The following MAPK14 variants were observed in gnomAD, a reference collection of about 807,000 sequenced individuals.
The protein encoded by MAPK14 is CSAID-binding protein.
MAPK14 carries 16 observed loss-of-function variants against 49.6 expected under a neutral mutation model. The ratio of observed to expected loss-of-function variants is 0.32; its 90% CI spans 0.22 to 0.49. The LOEUF (loss-of-function observed/expected upper bound fraction) is 0.49. MAPK14 is among the 20% of genes least tolerant of loss of function. MAPK14 has a pLI of 0.99. For missense variants in MAPK14, 200 were observed against 441.2 expected (o/e 0.45, Z 4.90); for synonymous variants, 142 against 158.0 (o/e 0.90, Z 0.76).
chr6:36,061,877 T>C (rs900535566), intron 3 of MAPK14, among the ~76,000 whole-genome samples: 9 of 152,236 alleles, frequency 5.9e-5, no homozygotes, highest in Non-Finnish European at 1.2e-4. Flanking sequence ...GAAAATAGAA[T>C]GAACTTGTTT....
chr6:36,103,009 G>A (rs1358946240), intron 10 of MAPK14, among the ~76,000 whole-genome samples: 1 of 152,176 alleles, frequency 6.6e-6, no homozygotes, highest in African/African-American at 2.4e-5. Context: ...TCTCTGAGTG[G>A]AGGACAGAAA....
chr6:36,038,330 A>G (rs1472408258), intron 1 of MAPK14, among the ~76,000 whole-genome samples: 1 of 152,194 alleles, frequency 6.6e-6, no homozygotes, highest in African/African-American at 2.4e-5. Context: ...GGAAATAGCT[A>G]AGAGACCAGT....
At chr6:36,076,459 C>T in intron 7 of MAPK14, 78 bp from the exon 8 acceptor site, 2 of 990,562 alleles carry the variant, frequency 2.0e-6, no homozygotes, top group South Asian at 2.6e-5. Flanking sequence ...TATTTCACCC[C>T]TAGTTACGGT....
chr6:36,092,792 G>A (rs772332100), intron 8 of MAPK14: 4 of 241,412 alleles, frequency 1.7e-5, no homozygotes, highest in East Asian at 1.2e-4. Flanking sequence ...GGCACCTCCC[G>A]AGGTGATGAA....
the MAPK14 span, among the ~76,000 whole-genome samples, chr6:36,119,882 C>T: frequency 6.6e-6 from 1 of 152,172 alleles, no homozygotes; most frequent in Admixed American, 6.5e-5. Flanking sequence ...AAAAAGGAGG[C>T]TGCAAAACGA....
At position 36,108,575 on chromosome 6, in the gene MAPK14, TGC is replaced by T; in HGVS notation, c.*130_*131del. Reference sequence around the variant, plus strand: ...CCTCCATGGTGGAAGGGGGTGTGCGTGCGTGTGCGTGCGTGTTAGTGTGTGTG... The same window carrying T: ...CCTCCATGGTGGAAGGGGGTGTGCGTGTGTGCGTGCGTGTTAGTGTGTGTG... On this transcript the variant is annotated 3_prime_UTR_variant, in exon 12 of 12. Transcript: ENST00000229794. The T allele has an allele frequency of 1.9e-6, 1 of 516,384 alleles. No homozygotes were observed. The highest frequency in any genetic ancestry group is 3.7e-6 in the Non-Finnish European group (1 of 271,528). 32.0% of individuals were successfully genotyped at this position (516,384 alleles called of 1,614,324 possible).
intron 1 of MAPK14, among the ~76,000 whole-genome samples, chr6:36,047,408 G>A (rs1763221903): frequency 6.6e-6 from 1 of 152,214 alleles, no homozygotes; most frequent in African/African-American, 2.4e-5. Flanking sequence ...GAGGGAAAGA[G>A]TAGCACAGGA....
chr6:36,038,620 T>G (rs184598932), intron 1 of MAPK14, among the ~76,000 whole-genome samples: 78 of 152,226 alleles, frequency 5.1e-4, no homozygotes, highest in African/African-American at 1.6e-3. Flanking sequence ...GATAGAACGG[T>G]GGAGTTAGAT....
intron 8 of MAPK14, among the ~76,000 whole-genome samples, chr6:36,088,933 A>G (rs1215792654): frequency 6.6e-6 from 1 of 152,238 alleles, no homozygotes; most frequent in East Asian, 1.9e-4. Flanking sequence ...CTATGGAGAA[A>G]TATGAACACT....
chr6:36,075,381 T>C (rs1222668345), intron 6 of MAPK14, among the ~76,000 whole-genome samples: 2 of 152,166 alleles, frequency 1.3e-5, no homozygotes, highest in Admixed American at 6.5e-5. Flanking sequence ...TGGAATCATA[T>C]AGTGTGTATT....
At chr6:36,031,763 T>C (rs915550764) in intron 1 of MAPK14, among the ~76,000 whole-genome samples, 18 of 152,108 alleles carry the variant, frequency 1.2e-4, no homozygotes, top group African/African-American at 4.3e-4. Context: ...TTCATTTGAA[T>C]CCAAATAATT....
chr6:36,076,405 G>C, intron 7 of MAPK14, 132 bp from the exon 8 acceptor site: 3 of 684,924 alleles, frequency 4.4e-6, no homozygotes, highest in Non-Finnish European at 7.7e-6. Flanking sequence ...CTGTAAAAAT[G>C]AGTATGATTG....
intron 3 of MAPK14, among the ~76,000 whole-genome samples, chr6:36,068,257 T>C (rs1376242701): frequency 6.6e-6 from 1 of 152,094 alleles, no homozygotes; most frequent in Non-Finnish European, 1.5e-5. Flanking sequence ...GAGGCCAGTG[T>C]GGAGCTGAGT....
At chr6:36,096,131 T>C in intron 9 of MAPK14, 65 bp downstream of exon 9, 1 of 1,139,904 alleles carries the variant, frequency 8.8e-7, no homozygotes, top group Admixed American at 1.8e-5. Context: ...TCTACCAATC[T>C]GTACTTTGAC....
intron 10 of MAPK14, 66 bp downstream of exon 10, chr6:36,102,715 A>C: frequency 7.5e-6 from 12 of 1,602,776 alleles, no homozygotes; most frequent in Non-Finnish European, 1.0e-5. Context: ...TGGGGATTTG[A>C]AGAAGAGTTT....
rs545835980 is a variant in MAPK14 at position 36,089,663 on chromosome 6, C to A, written c.683-6324C>A. On this transcript the variant is annotated intron_variant, in intron 8 of 11. Coordinates refer to ENST00000229794, the MANE Select transcript of MAPK14 (RefSeq NM_139012.3). ...ACCCTTCCATCTGGCCTAATGATAG[C>A]ATTATTATTTTTTAAAGAATGAAGC... Among the ~76,000 whole-genome samples the A allele has an allele frequency of 5.9e-5, 9 of 152,218 alleles. No homozygotes were observed. In the South Asian group the frequency reaches 1.2e-3, roughly 21 times the overall value.
intron 2 of MAPK14, among the ~76,000 whole-genome samples, chr6:36,058,995 T>C (rs1763694432): frequency 2.0e-5 from 3 of 151,966 alleles, no homozygotes; most frequent in Admixed American, 2.0e-4. Context: ...GTTCAATCAG[T>C]TCTCCTGCCT....
intron 3 of MAPK14, among the ~76,000 whole-genome samples, chr6:36,064,279 C>A (rs1049218268): frequency 7.8e-6 from 1 of 128,144 alleles, no homozygotes; most frequent in Non-Finnish European, 1.6e-5. Context: ...TGCCCCCCCC[C>A]ACCCCTTTTT....
At chr6:36,094,680 AT>A (rs1164529646) in intron 8 of MAPK14, among the ~76,000 whole-genome samples, 1 of 152,226 alleles carries the variant, frequency 6.6e-6, no homozygotes, top group Non-Finnish European at 1.5e-5. Context: ...TTCCTCAAAT[AT>A]TTTGACTACC....
Sources: allele counts gnomAD v4.1 joint callset (sites outside exome capture counted in the v4.1 genomes callset), GRCh38; gene constraint gnomAD v4.1.1; transcripts MANE v1.5; gene names NCBI Gene and HGNC (gene_info 2026-07-23, HGNC 2026-07-21).